Variants in AOPEP observed in about 807,000 individuals in gnomAD.
AOPEP encodes the protein aminopeptidase O.
In AOPEP, 77 loss-of-function variants were observed where a neutral mutation model predicts 98.1. That is an observed-to-expected ratio of 0.78 (90% CI 0.65 to 0.95). The LOEUF (loss-of-function observed/expected upper bound fraction) is 0.95. Among genes scored for constraint, AOPEP ranks in the 40% least tolerant of loss-of-function variants. The probability of loss-of-function intolerance (pLI) is 0.00; values close to 1 mark genes in which losing one functional copy is unlikely to be tolerated. For missense variants in AOPEP, 1,024 were observed against 1,024.7 expected (o/e 1.00, Z 0.01); for synonymous variants, 346 against 365.3 (o/e 0.95, Z 0.60).
At position 94,792,628 on chromosome 9, in the gene AOPEP, C is replaced by T. The variant is rs190940004; in HGVS notation, c.965-137C>T. The T allele has an allele frequency of 5.5e-3, 4,137 of 749,970 alleles. 16 individuals are homozygous for T. The highest frequency in any genetic ancestry group is 0.016 in the Middle Eastern group (39 of 2,428). The allele number at this position is 749,970 out of a possible 1,614,324, so 46.5% of individuals were successfully genotyped here. A position where few individuals can be genotyped will look rare whatever the true frequency, so the allele number is the denominator to read the frequency against. On this transcript the variant is annotated intron_variant, in intron 3 of 16. Coordinates refer to ENST00000375315, the MANE Select transcript of AOPEP (RefSeq NM_001193329.3). Reference sequence around the variant, plus strand: ...TGAGCCCTGAAATGTGCCCTTTCTGCTGACGTGACCGACCTCCAAGAGTTG... The same window carrying T: ...TGAGCCCTGAAATGTGCCCTTTCTGTTGACGTGACCGACCTCCAAGAGTTG...
intron 6 of AOPEP, among the ~76,000 whole-genome samples, 158 bp from the exon 7 acceptor site, chr9:94,928,267 C>G (rs1274803562): frequency 6.6e-6 from 1 of 152,182 alleles, no homozygotes; most frequent in Non-Finnish European, 1.5e-5. Context: ...GTTTTAGGCA[C>G]TAAGAGGCTC....
At chr9:94,940,992 T>TA (rs35838994) in intron 7 of AOPEP, among the ~76,000 whole-genome samples, 98 of 148,702 alleles carry the variant, frequency 6.6e-4, no homozygotes, top group African/African-American at 1.6e-3. Context: ...AAGAGAATGT[T>TA]AAAAAAAAAA....
At chr9:94,791,743 A>T (rs59011771) in intron 3 of AOPEP, among the ~76,000 whole-genome samples, 1 of 152,034 alleles carries the variant, frequency 6.6e-6, no homozygotes, top group African/African-American at 2.4e-5. Context: ...AAAATAATCT[A>T]TACACTAAAC....
chr9:94,830,898 G>A (rs949945363), intron 5 of AOPEP, among the ~76,000 whole-genome samples: 2 of 152,022 alleles, frequency 1.3e-5, no homozygotes, highest in Non-Finnish European at 2.9e-5. Flanking sequence ...TAATGGGGTT[G>A]TTTATTTTTT....
chr9:95,148,412 A>G, the AOPEP span, among the ~76,000 whole-genome samples: 1 of 152,208 alleles, frequency 6.6e-6, no homozygotes, highest in African/African-American at 2.4e-5. Flanking sequence ...ACATTTTAGG[A>G]TTAGGCACAT....
In AOPEP at chr9:94,967,802, G is replaced by C. The variant is rs1390870925; in HGVS notation, c.1916+1G>C. ...TGGAGAACATTCCAGAAGAAAAAAG[G>C]TAAGGACCAATTTAGGAATTTTGGA... On this transcript the variant is annotated splice_donor_variant, in intron 10 of 16. Coordinates refer to ENST00000375315, the MANE Select transcript of AOPEP (RefSeq NM_001193329.3). LOFTEE classifies it high-confidence loss of function. 3.7e-6 allele frequency: 6 copies of C among 1,612,018 alleles called. No homozygotes were observed. Among genetic ancestry groups the C allele is most frequent in the Non-Finnish European group, 4.2e-6 (5 of 1,178,234 alleles).
chr9:94,955,818 C>A, intron 8 of AOPEP, 90 bp from the exon 9 acceptor site: 1 of 793,468 alleles, frequency 1.3e-6, no homozygotes, highest in Non-Finnish European at 2.1e-6. Context: ...TGCACAAGTG[C>A]ACTATGGGTT....
intron 13 of AOPEP, among the ~76,000 whole-genome samples, chr9:95,021,146 T>C (rs2063423126): frequency 6.6e-6 from 1 of 152,180 alleles, no homozygotes; most frequent in Non-Finnish European, 1.5e-5. Flanking sequence ...CTAACTTGGC[T>C]GTTTGTTCAT....
chr9:94,779,858 T>G (rs1211604365), intron 3 of AOPEP, among the ~76,000 whole-genome samples: 1 of 152,142 alleles, frequency 6.6e-6, no homozygotes, highest in Non-Finnish European at 1.5e-5. Context: ...CCCTGTAAAC[T>G]TTTGTTTACA....
At chr9:95,048,873 A>G (rs1446921706) in intron 13 of AOPEP, 1 of 152,250 alleles carries the variant, frequency 6.6e-6, no homozygotes, top group African/African-American at 2.4e-5. Context: ...CTATCAAGAA[A>G]GTTCACACGA....
intron 7 of AOPEP, among the ~76,000 whole-genome samples, chr9:94,945,474 A>G (rs528244172): frequency 6.6e-6 from 1 of 152,298 alleles, no homozygotes; most frequent in East Asian, 1.9e-4. Context: ...AGAAGACCCA[A>G]AGAGCACACT....
At chr9:94,887,023 A>G (rs546400774) in intron 5 of AOPEP, among the ~76,000 whole-genome samples, 81 of 152,222 alleles carry the variant, frequency 5.3e-4, no homozygotes, top group Non-Finnish European at 1.0e-3. Context: ...CTGTTTCATT[A>G]TTATGAGTGG....
At chr9:94,852,965 T>C (rs2043741035) in intron 5 of AOPEP, among the ~76,000 whole-genome samples, 1 of 152,106 alleles carries the variant, frequency 6.6e-6, no homozygotes, top group African/African-American at 2.4e-5. Context: ...AATGGCTCAG[T>C]GTTGAAGGGC....
chr9:94,992,841 C>G (rs1458049832), intron 11 of AOPEP, among the ~76,000 whole-genome samples: 2 of 152,234 alleles, frequency 1.3e-5, no homozygotes, highest in African/African-American at 4.8e-5. Context: ...GTCTTTCCTT[C>G]TGTCCTTGGA....
chr9:94,734,070 T>G (rs2131748070), intron 1 of AOPEP, among the ~76,000 whole-genome samples: 1 of 152,296 alleles, frequency 6.6e-6, no homozygotes, highest in South Asian at 2.1e-4. Flanking sequence ...TTATTTTTAT[T>G]GATTGATTTA....
intron 5 of AOPEP, among the ~76,000 whole-genome samples, chr9:94,838,733 A>G (rs1331039112): frequency 6.6e-6 from 1 of 152,120 alleles, no homozygotes; most frequent in Admixed American, 6.5e-5. Context: ...GATGGTTCTT[A>G]CTTTGAATCT....
chr9:94,977,693 G>A (rs2138637404), intron 10 of AOPEP, among the ~76,000 whole-genome samples: 1 of 152,224 alleles, frequency 6.6e-6, no homozygotes, highest in East Asian at 1.9e-4. Context: ...CGCTGAAGCT[G>A]ATGCTATGAA....
chr9:95,066,066 T>C (rs1210427056), intron 14 of AOPEP, among the ~76,000 whole-genome samples: 1 of 152,244 alleles, frequency 6.6e-6, no homozygotes, highest in Admixed American at 6.5e-5. Flanking sequence ...ACTTTAGACA[T>C]ATCTTTTTAC....
At chr9:94,965,967 T>A (rs2059170891) in intron 9 of AOPEP, among the ~76,000 whole-genome samples, 1 of 150,588 alleles carries the variant, frequency 6.6e-6, no homozygotes, top group Non-Finnish European at 1.5e-5. Context: ...ATTTGCAGAC[T>A]TGGTTCTATT....
Sources: allele counts gnomAD v4.1 joint callset (sites outside exome capture counted in the v4.1 genomes callset), GRCh38; gene constraint gnomAD v4.1.1; transcripts MANE v1.5; gene names NCBI Gene and HGNC (gene_info 2026-07-23, HGNC 2026-07-21).